Variants in CUL3 observed in about 807,000 individuals in gnomAD.
CUL3 encodes cullin 3, also known as cullin-3.
Under a neutral mutation model 89.1 loss-of-function variants are expected in CUL3, and 19 were observed. That is an observed-to-expected ratio of 0.21 (90% CI 0.15 to 0.31). CUL3 has a LOEUF of 0.31. Ranked by LOEUF, CUL3 falls within the 10% of genes least tolerant of loss-of-function variation. The pLI, the probability that CUL3 is intolerant of heterozygous loss-of-function variation, is 1.00. For missense variants in CUL3, 469 were observed against 942.3 expected (o/e 0.50, Z 6.58); for synonymous variants, 351 against 308.4 (o/e 1.14, Z -1.45).
In CUL3 at chr2:224,576,244, G is replaced by A. The variant is rs542518152; in HGVS notation, c.66+8700C>T. Among the ~76,000 whole-genome samples the A allele has an allele frequency of 1.5e-4, 23 of 152,294 alleles. No individual in the cohort carries two copies. In the South Asian group the frequency reaches 4.1e-3, roughly 27 times the overall value. ...GGACCAGAGTGTACAATTTAACAGTGTGACAGGAAGGGATGAGATGCGAAG... is the reference window on the plus strand; with the variant it reads ...GGACCAGAGTGTACAATTTAACAGTATGACAGGAAGGGATGAGATGCGAAG... On this transcript the variant is annotated intron_variant, in intron 1 of 15. Coordinates refer to ENST00000264414, the MANE Select transcript of CUL3 (RefSeq NM_003590.5).
intron 13 of CUL3, 28 bp from the exon 14 acceptor site, chr2:224,482,106 A>C (rs1691556131): frequency 6.4e-7 from 1 of 1,554,214 alleles, no homozygotes. Context: ...TAACATAATT[A>C]GACTTTTTGA....
At chr2:224,514,011 A>T (rs1488011184) in intron 4 of CUL3, among the ~76,000 whole-genome samples, 2 of 152,240 alleles carry the variant, frequency 1.3e-5, no homozygotes, top group Non-Finnish European at 2.9e-5. Flanking sequence ...TTTGCACTAC[A>T]TGGATTTTGG....
Position 224,474,136 on chromosome 2 carries a change from C to CTCAATGGTCTAGAACA in CUL3, c.*108_*109insTGTTCTAGACCATTGA. On this transcript the variant is annotated 3_prime_UTR_variant, in exon 16 of 16. Transcript: ENST00000264414. ...TGATCTCAATGGTCTAGAACATGTA[C>CTCAATGGTCTAGAACA]TGTAATTTAATAGAAGAGATGGTCG... 8.6e-7 allele frequency: 1 copy of CTCAATGGTCTAGAACA among 1,159,468 alleles called. No homozygotes were observed. The highest frequency in any genetic ancestry group is 2.4e-5 in the East Asian group (1 of 41,256). 71.8% of individuals were successfully genotyped at this position (1,159,468 alleles called of 1,614,324 possible).
chr2:224,522,731 G>C (rs545726048), intron 3 of CUL3, among the ~76,000 whole-genome samples: 2 of 152,044 alleles, frequency 1.3e-5, no homozygotes, highest in East Asian at 3.9e-4. Context: ...GGGAGGCTGA[G>C]GCAGGAGAAT....
intron 2 of CUL3, among the ~76,000 whole-genome samples, chr2:224,536,713 A>C (rs541083752): frequency 5.3e-5 from 8 of 152,290 alleles, no homozygotes; most frequent in African/African-American, 1.7e-4. Flanking sequence ...ACTATTCAAG[A>C]CTTCAAAAAT....
chr2:224,540,697 C>CA (rs1422223821), intron 2 of CUL3, among the ~76,000 whole-genome samples: 2 of 151,976 alleles, frequency 1.3e-5, no homozygotes, highest in Admixed American at 1.3e-4. Flanking sequence ...AAAAAACAAA[C>CA]AAAAAAACCC....
chr2:224,494,669 A>T (rs986918667), intron 13 of CUL3, among the ~76,000 whole-genome samples: 2 of 152,200 alleles, frequency 1.3e-5, no homozygotes, highest in African/African-American at 4.8e-5. Flanking sequence ...CCTTCAACAA[A>T]TGATGCTGGA....
chr2:224,552,568 T>C (rs1390672707), intron 2 of CUL3, among the ~76,000 whole-genome samples: 5 of 152,226 alleles, frequency 3.3e-5, no homozygotes. Flanking sequence ...AAGCCTCCCG[T>C]CATCTGCTGT....
chr2:224,567,771 G>A (rs745785355), intron 1 of CUL3, among the ~76,000 whole-genome samples: 3 of 151,412 alleles, frequency 2.0e-5, no homozygotes, highest in Non-Finnish European at 2.9e-5. Flanking sequence ...CTAGTTCACT[G>A]CAAGAGCCTT....
At chr2:224,580,740 G>A (rs1489853146) in intron 1 of CUL3, among the ~76,000 whole-genome samples, 2 of 151,804 alleles carry the variant, frequency 1.3e-5, no homozygotes, top group African/African-American at 4.8e-5. Flanking sequence ...ATTACTGATG[G>A]GAATTTATCT....
At chr2:224,490,475 G>A (rs577801539) in intron 13 of CUL3, among the ~76,000 whole-genome samples, 2 of 151,884 alleles carry the variant, frequency 1.3e-5, no homozygotes, top group African/African-American at 4.8e-5. Flanking sequence ...CCAGGCATTC[G>A]GGGCCCTACC....
chr2:224,516,499 T>C (rs1007259093), intron 3 of CUL3, among the ~76,000 whole-genome samples: 10 of 151,928 alleles, frequency 6.6e-5, no homozygotes, highest in African/African-American at 2.4e-4. Context: ...GTATGTTTAG[T>C]AGAGACAGGG....
intron 2 of CUL3, among the ~76,000 whole-genome samples, chr2:224,554,402 T>C (rs551551440): frequency 6.6e-6 from 1 of 152,174 alleles, no homozygotes; most frequent in Non-Finnish European, 1.5e-5. Flanking sequence ...GGACTGGAGG[T>C]TTACAGACAG....
chr2:224,479,722 G>T (rs897577016), intron 14 of CUL3: 2 of 152,176 alleles, frequency 1.3e-5, no homozygotes, highest in Non-Finnish European at 2.9e-5. Context: ...GGAAGGCAGG[G>T]AGGAAGACAA....
intron 8 of CUL3, 118 bp from the exon 9 acceptor site, chr2:224,503,940 C>T (rs1553521424): frequency 9.4e-6 from 7 of 748,536 alleles, no homozygotes; most frequent in African/African-American, 1.8e-5. Context: ...GGTTGACATA[C>T]ATCAAAAAAA....
At chr2:224,490,722 A>G (rs1287022433) in intron 13 of CUL3, among the ~76,000 whole-genome samples, 1 of 151,930 alleles carries the variant, frequency 6.6e-6, no homozygotes, top group African/African-American at 2.4e-5. Context: ...AAAAAAAAAA[A>G]AAGACATTTA....
At chr2:224,571,848 T>C (rs1695187530) in intron 1 of CUL3, among the ~76,000 whole-genome samples, 1 of 152,194 alleles carries the variant, frequency 6.6e-6, no homozygotes, top group East Asian at 1.9e-4. Context: ...GATTTATGTA[T>C]AAACACAATT....
At chr2:224,548,639 A>G (rs1181657061) in intron 2 of CUL3, among the ~76,000 whole-genome samples, 2 of 152,210 alleles carry the variant, frequency 1.3e-5, no homozygotes. Flanking sequence ...AAAACTGCTA[A>G]GCATTACAAA....
intron 13 of CUL3, 149 bp downstream of exon 13, chr2:224,495,683 T>C (rs1338717594): frequency 1.4e-5 from 8 of 581,118 alleles, no homozygotes; most frequent in Non-Finnish European, 2.4e-5. Flanking sequence ...ACATGTATGA[T>C]GTTCATACAG....
Sources: allele counts gnomAD v4.1 joint callset (sites outside exome capture counted in the v4.1 genomes callset), GRCh38; gene constraint gnomAD v4.1.1; transcripts MANE v1.5; gene names NCBI Gene and HGNC (gene_info 2026-07-23, HGNC 2026-07-21).